Variants in DNAAF10 observed in about 807,000 individuals in gnomAD.
DNAAF10 encodes the protein dynein axonemal assembly factor 10.
DNAAF10 carries 28 observed loss-of-function variants against 43.7 expected under a neutral mutation model. The ratio of observed to expected loss-of-function variants is 0.64; its 90% confidence interval spans 0.48 to 0.88. DNAAF10 has a LOEUF of 0.88. Ranked by LOEUF, DNAAF10 falls within the 40% of genes least tolerant of loss-of-function variation. The pLI, the probability that DNAAF10 is intolerant of heterozygous loss-of-function variation, is 0.00. For missense variants in DNAAF10, 403 were observed against 439.1 expected (o/e 0.92, Z 0.73); for synonymous variants, 156 against 157.3 (o/e 0.99, Z 0.06).
intron 1 of DNAAF10, among the ~76,000 whole-genome samples, chr2:68,153,087 G>A (rs1673494724): frequency 6.6e-6 from 1 of 152,010 alleles, no homozygotes; most frequent in Admixed American, 6.6e-5. Flanking sequence ...CCTTTTATAG[G>A]CTGATGAAGT....
chr2:68,137,872 A>C (rs1391969712), intron 5 of DNAAF10, among the ~76,000 whole-genome samples: 1 of 143,092 alleles, frequency 7.0e-6, no homozygotes, highest in African/African-American at 2.6e-5. Flanking sequence ...GTCTCAAAAA[A>C]AAAACATTTT....
intron 1 of DNAAF10, among the ~76,000 whole-genome samples, chr2:68,151,936 C>T (rs1202535528): frequency 6.6e-6 from 1 of 152,188 alleles, no homozygotes; most frequent in Non-Finnish European, 1.5e-5. Context: ...AGTGACTTGC[C>T]TAAGGTCCCA....
At chr2:68,144,500 G>T in intron 3 of DNAAF10, 85 bp downstream of exon 3, 1 of 1,542,910 alleles carries the variant, frequency 6.5e-7, no homozygotes. Context: ...GACTGAAGGG[G>T]ATTTTTTACT....
chr2:68,147,466 C>T lies in DNAAF10; in HGVS notation c.284+1G>A, dbSNP rs1673346237. On this transcript the variant is annotated splice_donor_variant, in intron 2 of 7. Transcript: ENST00000295121. LOFTEE classifies it high-confidence loss of function. ...TCTGAATACTGACTAAATCATCTTA[C>T]CATATATGAAGGTTTCCACCAAAAT... The T allele has an allele frequency of 6.2e-7, 1 of 1,607,132 alleles. No homozygotes were observed. The highest frequency in any genetic ancestry group is 8.5e-7 in the Non-Finnish European group (1 of 1,175,440).
At chr2:68,138,660 A>C in intron 5 of DNAAF10, 82 bp downstream of exon 5, 1 of 991,174 alleles carries the variant, frequency 1.0e-6, no homozygotes, top group Non-Finnish European at 1.6e-6. Flanking sequence ...ATGAGTTACT[A>C]GAGGTGTTTT....
chr2:68,144,502 T>C, intron 3 of DNAAF10, 83 bp downstream of exon 3: 1 of 1,550,040 alleles, frequency 6.5e-7, no homozygotes, highest in Non-Finnish European at 8.7e-7. Flanking sequence ...CTGAAGGGGA[T>C]TTTTTACTCA....
chr2:68,151,167 G>A (rs762115394), intron 1 of DNAAF10, among the ~76,000 whole-genome samples: 21 of 152,198 alleles, frequency 1.4e-4, no homozygotes, highest in Non-Finnish European at 2.5e-4. Flanking sequence ...AAGGCCTATG[G>A]TATACAAAAT....
At chr2:68,139,177 G>A (rs1673118293) in intron 4 of DNAAF10, among the ~76,000 whole-genome samples, 4 of 152,122 alleles carry the variant, frequency 2.6e-5, no homozygotes, top group Admixed American at 2.6e-4. Context: ...CCTCGTGAAT[G>A]GCTCAGTGCA....
At chr2:68,148,488 C>A (rs1350255222) in intron 1 of DNAAF10, among the ~76,000 whole-genome samples, 1 of 152,146 alleles carries the variant, frequency 6.6e-6, no homozygotes, top group Non-Finnish European at 1.5e-5. Context: ...CTCCCTGGGT[C>A]TTCTATTCAC....
chr2:68,141,852 T>C, intron 3 of DNAAF10, 57 bp from the exon 4 acceptor site: 4 of 1,386,100 alleles, frequency 2.9e-6, no homozygotes, highest in Non-Finnish European at 4.1e-6. Flanking sequence ...TATGTTTCTT[T>C]TCTACATTCT....
intron 1 of DNAAF10, among the ~76,000 whole-genome samples, chr2:68,149,536 GAA>G (rs1558612210): frequency 1.3e-5 from 2 of 152,078 alleles, no homozygotes; most frequent in Non-Finnish European, 1.5e-5. Flanking sequence ...CCAATTTTAT[GAA>G]AAAGAGTATC....
chr2:68,152,322 C>T (rs990101671), intron 1 of DNAAF10, among the ~76,000 whole-genome samples: 3 of 152,280 alleles, frequency 2.0e-5, no homozygotes, highest in East Asian at 1.9e-4. Flanking sequence ...ACGTATTAAA[C>T]GTATTATGAA....
chr2:68,144,702 G>T lies in DNAAF10; in HGVS notation c.298C>A (p.Pro100Thr). Residue 100 changes from proline (P) to threonine (T), a missense_variant, in exon 3 of 8, where the codon CCA (proline) becomes ACA (threonine). By Grantham distance (38) the Pro-to-Thr change is conservative (BLOSUM62 -1). Transcript: ENST00000295121. ...TTTACAGAATATACTGGCATCTCTGGAGCTTCTAAATTCCTAAACAACAAA... is the reference window on the plus strand; with the variant it reads ...TTTACAGAATATACTGGCATCTCTGTAGCTTCTAAATTCCTAAACAACAAA... Reference protein sequence around the residue: ...GNLHIWNLEAPEMPVYSVKGH... With the variant: ...GNLHIWNLEATEMPVYSVKGH... The T allele has an allele frequency of 6.2e-7, 1 of 1,610,828 alleles. No homozygotes were observed. Among genetic ancestry groups the T allele is most frequent in the Non-Finnish European group, 8.5e-7 (1 of 1,179,296 alleles).
intron 2 of DNAAF10, among the ~76,000 whole-genome samples, chr2:68,147,068 C>T (rs1018382052): frequency 4.6e-5 from 7 of 151,794 alleles, no homozygotes; most frequent in South Asian, 4.1e-4. Flanking sequence ...AAAAAACAAA[C>T]GTTCTGCAGT....
At position 68,130,556 on chromosome 2, in the gene DNAAF10, G is replaced by A. The variant is rs1280405970; in HGVS notation, c.*682C>T. 1 of 152,542 alleles carries A rather than the reference G, an allele frequency of 6.6e-6. No homozygotes were observed. The highest frequency in any genetic ancestry group is 1.5e-5 in the Non-Finnish European group (1 of 68,030). The allele number at this position is 152,542 out of a possible 1,614,324, so 9.4% of individuals were successfully genotyped here. A position where few individuals can be genotyped will look rare whatever the true frequency, so the allele number is the denominator to read the frequency against. ...CAAACTCTTTTAAACCAAATGAAATGATTCCCACCACAACATTATAGACAC... is the reference window on the plus strand; with the variant it reads ...CAAACTCTTTTAAACCAAATGAAATAATTCCCACCACAACATTATAGACAC... On this transcript the variant is annotated 3_prime_UTR_variant, in exon 8 of 8. Transcript: ENST00000295121.
rs79613038 is a variant in DNAAF10 at position 68,139,034 on chromosome 2, C to T, written c.518-177G>A. 4.6e-3 allele frequency among the ~76,000 whole-genome samples: 702 copies of T among 152,194 alleles called. 18 individuals are homozygous for T. The highest frequency in any genetic ancestry group is 0.036 in the Admixed American group (556 of 15,288). On this transcript the variant is annotated intron_variant, in intron 4 of 7. Transcript: ENST00000295121. Reference sequence around the variant, plus strand: ...GACATCAAGATTATTAATGTGGTATCCATTAGTTTTTTGTTTTGTTTAAAT... The same window carrying T: ...GACATCAAGATTATTAATGTGGTATTCATTAGTTTTTTGTTTTGTTTAAAT...
At chr2:68,157,239 G>A in intron 1 of DNAAF10, 22 bp downstream of exon 1, 2 of 1,602,296 alleles carry the variant, frequency 1.2e-6, no homozygotes, top group South Asian at 1.1e-5. Context: ...ACGGCAGTCC[G>A]GATCCTCGAC....
Position 68,131,135 on chromosome 2 carries a change from G to A in DNAAF10, c.*103C>T. On this transcript the variant is annotated 3_prime_UTR_variant, in exon 8 of 8. Transcript: ENST00000295121. ...GGGTTTCACCATGTTAGCCAGGATGGTCTCGATCTCCTGACCTTCTGATCC... is the reference window on the plus strand; with the variant it reads ...GGGTTTCACCATGTTAGCCAGGATGATCTCGATCTCCTGACCTTCTGATCC... 8.7e-7 allele frequency: 1 copy of A among 1,148,756 alleles called. No individual in the cohort carries two copies. The allele number at this position is 1,148,756 out of a possible 1,614,324, so 71.2% of individuals were successfully genotyped here. A position where few individuals can be genotyped will look rare whatever the true frequency, so the allele number is the denominator to read the frequency against.
In DNAAF10 at chr2:68,131,388, T is replaced by C. The variant is rs1446234297; in HGVS notation, c.924A>G (p.Ala308=). 1 of 1,614,184 alleles carries C rather than the reference T, an allele frequency of 6.2e-7. No homozygotes were observed. The highest frequency in any genetic ancestry group is 1.7e-5 in the Admixed American group (1 of 60,020). The change falls in exon 8 of 8, where the codon GCA becomes GCG. Residue 308 remains alanine, a synonymous_variant. Transcript: ENST00000295121. ...CATTCTGCAGAAGGCTTACAGAACCTGCGACTCCCATTTCTATTCCCTCAG... is the reference window on the plus strand; with the variant it reads ...CATTCTGCAGAAGGCTTACAGAACCCGCGACTCCCATTTCTATTCCCTCAG... ...KDSEGIEMGV[A]GSVSLLQNVT...
Sources: gnomAD v4.1 joint callset for allele counts (sites outside exome capture counted in the v4.1 genomes callset) on GRCh38, gnomAD v4.1.1 for gene constraint, MANE v1.5 for transcripts, NCBI Gene and HGNC (gene_info 2026-07-23, HGNC 2026-07-21) for gene names.